The following ICA1L variants were observed in gnomAD, a reference collection of about 807,000 sequenced individuals.
ICA1L encodes the protein islet cell autoantigen 1-like protein.
ICA1L carries 50 observed loss-of-function variants against 61.3 expected under a neutral mutation model. That is an observed-to-expected ratio of 0.82 (90% CI 0.65 to 1.03). The LOEUF (loss-of-function observed/expected upper bound fraction) is 1.03, where lower values mean the gene tolerates loss of function less well. Ranked by LOEUF, ICA1L falls within the 50% of genes least tolerant of loss-of-function variation. The probability of loss-of-function intolerance (pLI) is 0.00; values close to 1 mark genes in which losing one functional copy is unlikely to be tolerated. For synonymous variants in ICA1L, 161 were observed against 191.3 expected (o/e 0.84, Z 1.31); for missense variants, 508 against 556.7 (o/e 0.91, Z 0.88).
At chr2:202,833,828 A>T (rs1694076045) in intron 1 of ICA1L, among the ~76,000 whole-genome samples, 1 of 152,214 alleles carries the variant, frequency 6.6e-6, no homozygotes, top group Admixed American at 6.5e-5. Context: ...TCTGAAAGAC[A>T]AATACCACAT....
chr2:202,795,588 T>C (rs1373470191), intron 10 of ICA1L, among the ~76,000 whole-genome samples: 2 of 150,430 alleles, frequency 1.3e-5, no homozygotes, highest in East Asian at 4.0e-4. Context: ...AGGGCGAAAC[T>C]CCATCTCAAA....
intron 1 of ICA1L, among the ~76,000 whole-genome samples, chr2:202,854,610 C>T (rs1694722886): frequency 6.6e-6 from 1 of 152,222 alleles, no homozygotes; most frequent in African/African-American, 2.4e-5. Context: ...TGCCACATAG[C>T]ACATATTCTA....
chr2:202,776,390 A>G lies in ICA1L; in HGVS notation c.*3143T>C, dbSNP rs1419812179. ...ATATTTCTCCCCATTTAACATAAAA[A>G]ATATCTATTTTGAGGGTTGTTCTCA... On this transcript the variant is annotated 3_prime_UTR_variant, in exon 13 of 13. Transcript: ENST00000358299. 1 of 152,148 alleles carries G rather than the reference A, an allele frequency of 6.6e-6. No homozygotes were observed. The highest frequency in any genetic ancestry group is 1.5e-5 in the Non-Finnish European group (1 of 68,018). The allele number at this position is 152,148 out of a possible 1,614,324, so 9.4% of individuals were successfully genotyped here.
rs1240360964 is a variant in ICA1L, at chr2:202,778,355, A to C, written c.*1178T>G. On this transcript the variant is annotated 3_prime_UTR_variant, in exon 13 of 13. Coordinates refer to ENST00000358299, the MANE Select transcript of ICA1L (RefSeq NM_001288622.3). ...TTATCAGCTTACACTAACTTCCATT[A>C]AATAGCCTTCCTCTCTAATACTTAG... is the stretch of plus-strand genomic sequence containing the variant. 2.0e-5 allele frequency: 3 copies of C among 152,186 alleles called. No individual in the cohort carries two copies. The highest frequency in any genetic ancestry group is 7.2e-5 in the African/African-American group (3 of 41,438). The allele number at this position is 152,186 out of a possible 1,614,324, so 9.4% of individuals were successfully genotyped here.
intron 1 of ICA1L, among the ~76,000 whole-genome samples, chr2:202,830,341 GA>G (rs1463682136): frequency 6.6e-6 from 1 of 152,166 alleles, no homozygotes. Flanking sequence ...CCAGGAGGCG[GA>G]GGTTGCAGTG....
intron 9 of ICA1L, among the ~76,000 whole-genome samples, chr2:202,805,560 A>T (rs1693200477): frequency 6.6e-6 from 1 of 151,950 alleles, no homozygotes; most frequent in South Asian, 2.1e-4. Flanking sequence ...ACAAAGCAAG[A>T]CAACAACAAC....
rs1462555700 is a variant in ICA1L at position 202,862,272 on chromosome 2, C to CCAAAAAAAAAAA, written c.-8+9346_-8+9347insTTTTTTTTTTTG. Among the ~76,000 whole-genome samples, 48 of 62,980 alleles carry CCAAAAAAAAAAA rather than the reference C, an allele frequency of 7.6e-4. 16 individuals carry two copies. Among genetic ancestry groups the CCAAAAAAAAAAA allele is most frequent in the Non-Finnish European group, 1.0e-3 (40 of 38,594 alleles). 41.3% of individuals were successfully genotyped at this position (62,980 alleles called of 152,430 possible). ...GCAACACAGTAAGACCTCATTTCTA[C>CCAAAAAAAAAAA]AAAAAAAAAAAAAAAAAAAAAAAAA... On this transcript the variant is annotated intron_variant, in intron 1 of 12. Transcript: ENST00000358299.
In ICA1L at chr2:202,774,249, T is replaced by C. The variant is rs1169650524; in HGVS notation, c.*5284A>G. On this transcript the variant is annotated 3_prime_UTR_variant, in exon 13 of 13. Coordinates refer to ENST00000358299, the MANE Select transcript of ICA1L (RefSeq NM_001288622.3). ...GGCGGCTCCTGAGTCTTCTCGCTCC[T>C]GTCGGCCAAAGGCCGTGACCCCGAC... 3.9e-6 allele frequency: 6 copies of C among 1,546,214 alleles called. No individual in the cohort carries two copies. The highest frequency in any genetic ancestry group is 5.2e-6 in the Non-Finnish European group (6 of 1,145,644).
intron 1 of ICA1L, among the ~76,000 whole-genome samples, chr2:202,833,332 A>C (rs1352853052): frequency 6.6e-6 from 1 of 152,220 alleles, no homozygotes; most frequent in Non-Finnish European, 1.5e-5. Flanking sequence ...CTGTAATCCC[A>C]GGACTTTGGG....
At position 202,779,374 on chromosome 2, in the gene ICA1L, C is replaced by T. The variant is rs537400437; in HGVS notation, c.*159G>A. 1 of 496,118 alleles carries T rather than the reference C, an allele frequency of 2.0e-6. No homozygotes were observed. Among genetic ancestry groups the T allele is most frequent in the East Asian group, 3.1e-5 (1 of 32,074 alleles). 30.7% of individuals were successfully genotyped at this position (496,118 alleles called of 1,614,324 possible). A position where few individuals can be genotyped will look rare whatever the true frequency, so the allele number is the denominator to read the frequency against. ...AAGATATGAAAGATGTGTACTTATT[C>T]AAATGTGGTCTTTACCATCTGTCTA... On this transcript the variant is annotated 3_prime_UTR_variant, in exon 13 of 13. Transcript: ENST00000358299.
At chr2:202,797,375 T>C (rs1692964427) in intron 9 of ICA1L, among the ~76,000 whole-genome samples, 1 of 152,212 alleles carries the variant, frequency 6.6e-6, no homozygotes. Flanking sequence ...AATGAATGAA[T>C]ATGGCCTACA....
chr2:202,841,092 T>C, intron 1 of ICA1L: 1 of 638,850 alleles, frequency 1.6e-6, no homozygotes. Flanking sequence ...CTGGATCTCC[T>C]CTTCATACAG....
At chr2:202,826,678 G>A (rs1270279541) in intron 2 of ICA1L, among the ~76,000 whole-genome samples, 1 of 151,438 alleles carries the variant, frequency 6.6e-6, no homozygotes, top group Non-Finnish European at 1.5e-5. Flanking sequence ...CACCATCTTG[G>A]CCAGGCTGGT....
chr2:202,850,428 T>A (rs1694586489), intron 1 of ICA1L, among the ~76,000 whole-genome samples: 1 of 151,992 alleles, frequency 6.6e-6, no homozygotes, highest in Admixed American at 6.6e-5. Context: ...AATAACCAGT[T>A]TAGAGAAGAA....
At chr2:202,836,280 GT>G (rs893618939) in intron 1 of ICA1L, among the ~76,000 whole-genome samples, 1 of 152,068 alleles carries the variant, frequency 6.6e-6, no homozygotes, top group African/African-American at 2.4e-5. Context: ...TAATTATAAA[GT>G]TTTTGTCCTT....
chr2:202,790,774 A>G (rs568866086), intron 10 of ICA1L, among the ~76,000 whole-genome samples: 8 of 152,286 alleles, frequency 5.3e-5, no homozygotes, highest in African/African-American at 1.9e-4. Flanking sequence ...TTTCATGAAG[A>G]AAGAGGCAAG....
At chr2:202,847,929 A>C (rs900429526) in intron 1 of ICA1L, among the ~76,000 whole-genome samples, 9 of 152,106 alleles carry the variant, frequency 5.9e-5, no homozygotes, top group Non-Finnish European at 1.2e-4. Context: ...TGTCCTTTGC[A>C]GCAATACGGA....
chr2:202,839,902 C>T (rs1694274686), intron 1 of ICA1L, among the ~76,000 whole-genome samples: 1 of 151,964 alleles, frequency 6.6e-6, no homozygotes, highest in Non-Finnish European at 1.5e-5. Flanking sequence ...TTACATAAAA[C>T]AGCTTATAGT....
At chr2:202,855,096 C>T (rs1694733738) in intron 1 of ICA1L, among the ~76,000 whole-genome samples, 1 of 152,142 alleles carries the variant, frequency 6.6e-6, no homozygotes, top group East Asian at 1.9e-4. Flanking sequence ...TTCTTTGAAA[C>T]CAATGAGAAC....
Sources: gnomAD v4.1 joint callset for allele counts (sites outside exome capture counted in the v4.1 genomes callset) on GRCh38, gnomAD v4.1.1 for gene constraint, MANE v1.5 for transcripts, NCBI Gene and HGNC (gene_info 2026-07-23, HGNC 2026-07-21) for gene names.